ZNF385D: variants seen among roughly 807,000 people sequenced by gnomAD.
ZNF385D encodes zinc finger protein 385D.
A neutral mutation model predicts 35.8 loss-of-function variants in ZNF385D; 15 were observed. The observed-to-expected ratio is 0.42, with a 90% confidence interval of 0.28 to 0.64. The LOEUF (loss-of-function observed/expected upper bound fraction) is 0.64. Ranked by LOEUF, ZNF385D falls within the 30% of genes least tolerant of loss-of-function variation. The pLI is 0.23. For synonymous variants in ZNF385D, 212 were observed against 186.8 expected (o/e 1.13, Z -1.10); for missense variants, 474 against 494.6 (o/e 0.96, Z 0.39).
At chr3:21,879,457 T>C (rs1385183478) in intron 3 of ZNF385D, among the ~76,000 whole-genome samples, 1 of 151,968 alleles carries the variant, frequency 6.6e-6, no homozygotes, top group Admixed American at 6.6e-5. Context: ...AAACACCTAA[T>C]ACGAATAGCA....
intron 2 of ZNF385D, among the ~76,000 whole-genome samples, chr3:22,247,280 CT>C (rs1559477108): frequency 1.3e-5 from 2 of 151,820 alleles, no homozygotes; most frequent in African/African-American, 4.8e-5. Context: ...AAAAGAAAAA[CT>C]AAAACTATTT....
chr3:21,586,745 C>CCTAA (rs59732172), intron 2 of ZNF385D, among the ~76,000 whole-genome samples: 32,431 of 151,922 alleles, frequency 0.21, 3,774 homozygotes, highest in African/African-American at 0.31. Context: ...GGATATGTAA[C>CCTAA]CTAACTGGGC....
At chr3:22,313,018 G>A (rs1451593067) in intron 2 of ZNF385D, among the ~76,000 whole-genome samples, 1 of 151,702 alleles carries the variant, frequency 6.6e-6, no homozygotes, top group Non-Finnish European at 1.5e-5. Flanking sequence ...TCCAACGATA[G>A]ACTGGATTAA....
At chr3:22,095,851 T>C (rs1273141827) in intron 3 of ZNF385D, among the ~76,000 whole-genome samples, 1 of 147,732 alleles carries the variant, frequency 6.8e-6, no homozygotes, top group African/African-American at 2.4e-5. Context: ...ATTTTTTAAT[T>C]CAACATATAT....
chr3:22,334,820 C>A (rs1364380877), intron 2 of ZNF385D, among the ~76,000 whole-genome samples: 1 of 152,094 alleles, frequency 6.6e-6, no homozygotes, highest in East Asian at 1.9e-4. Context: ...TTTTATAGGA[C>A]TACTTGAATC....
chr3:22,080,062 T>C (rs949040168), intron 3 of ZNF385D, among the ~76,000 whole-genome samples: 1 of 152,156 alleles, frequency 6.6e-6, no homozygotes, highest in Non-Finnish European at 1.5e-5. Context: ...CCTATGTTAA[T>C]GAAGACACAA....
intron 3 of ZNF385D, among the ~76,000 whole-genome samples, chr3:22,107,942 A>C (rs565631769): frequency 6.6e-6 from 1 of 151,888 alleles, no homozygotes; most frequent in Non-Finnish European, 1.5e-5. Flanking sequence ...CTCCCTCATG[A>C]AAGTGATTAA....
At chr3:21,708,912 T>A (rs1346237442) in intron 1 of ZNF385D, among the ~76,000 whole-genome samples, 1 of 152,112 alleles carries the variant, frequency 6.6e-6, no homozygotes, top group Non-Finnish European at 1.5e-5. Flanking sequence ...TATACTGATC[T>A]TAATGTCCTT....
intron 1 of ZNF385D, among the ~76,000 whole-genome samples, chr3:21,740,498 A>T (rs1213428074): frequency 6.6e-6 from 1 of 152,174 alleles, no homozygotes; most frequent in African/African-American, 2.4e-5. Flanking sequence ...AACTACTGTA[A>T]TATGGACTTC....
intron 1 of ZNF385D, among the ~76,000 whole-genome samples, chr3:21,704,539 C>T (rs954019849): frequency 2.0e-4 from 30 of 152,154 alleles, no homozygotes; most frequent in African/African-American, 5.8e-4. Context: ...GACAACGTCT[C>T]GCTCTGTCAC....
chr3:21,795,773 T>A (rs932831239), intron 3 of ZNF385D, among the ~76,000 whole-genome samples: 1 of 152,198 alleles, frequency 6.6e-6, no homozygotes, highest in African/African-American at 2.4e-5. Flanking sequence ...TTTCTCCCAC[T>A]AATGCCACTT....
intron 3 of ZNF385D, among the ~76,000 whole-genome samples, chr3:21,910,638 A>G (rs1218767094): frequency 2.0e-5 from 3 of 151,878 alleles, no homozygotes; most frequent in African/African-American, 4.8e-5. Flanking sequence ...ATGTATAATA[A>G]TATAATTGTG....
At chr3:22,193,597 T>C (rs1696209112) in intron 2 of ZNF385D, among the ~76,000 whole-genome samples, 1 of 152,044 alleles carries the variant, frequency 6.6e-6, no homozygotes, top group African/African-American at 2.4e-5. Flanking sequence ...ATGTGCAGTT[T>C]TTCTAATCTA....
chr3:22,141,657 C>T (rs1704509864), intron 3 of ZNF385D, among the ~76,000 whole-genome samples: 1 of 145,840 alleles, frequency 6.9e-6, no homozygotes, highest in Admixed American at 6.8e-5. Flanking sequence ...ACCAAAAGCA[C>T]CGCCCCTGGG....
intron 1 of ZNF385D, among the ~76,000 whole-genome samples, chr3:21,747,228 C>T (rs1174590061): frequency 2.6e-5 from 4 of 152,156 alleles, no homozygotes; most frequent in Non-Finnish European, 5.9e-5. Context: ...TAAATTTTGC[C>T]TGCCCTTTTC....
At chr3:22,287,417 A>C (rs1440934238) in intron 2 of ZNF385D, among the ~76,000 whole-genome samples, 1 of 151,802 alleles carries the variant, frequency 6.6e-6, no homozygotes, top group East Asian at 1.9e-4. Flanking sequence ...TAATTTTTCT[A>C]CTTGTTTGAC....
At chr3:21,992,729 G>C (rs1056093018) in intron 3 of ZNF385D, among the ~76,000 whole-genome samples, 12 of 152,078 alleles carry the variant, frequency 7.9e-5, no homozygotes. Context: ...GTTTTACATA[G>C]CTTTAAAGTG....
intron 3 of ZNF385D, among the ~76,000 whole-genome samples, chr3:21,965,303 G>C (rs1702853881): frequency 6.6e-6 from 1 of 152,242 alleles, no homozygotes; most frequent in South Asian, 2.1e-4. Context: ...CCACATATTG[G>C]TATGTGTCTA....
intron 2 of ZNF385D, among the ~76,000 whole-genome samples, chr3:22,366,341 C>T (rs1696656063): frequency 2.6e-5 from 4 of 152,082 alleles, no homozygotes; most frequent in Admixed American, 2.6e-4. Context: ...CAGGGTCTCA[C>T]TTTTTCTGTC....
Sources: gnomAD v4.1 joint callset for allele counts (sites outside exome capture counted in the v4.1 genomes callset) on GRCh38, gnomAD v4.1.1 for gene constraint, MANE v1.5 for transcripts, NCBI Gene and HGNC (gene_info 2026-07-23, HGNC 2026-07-21) for gene names.